Variants in ELOVL6 observed in about 807,000 individuals in gnomAD.
The protein encoded by ELOVL6 is very long chain fatty acid elongase 6.
A neutral mutation model predicts 31.7 loss-of-function variants in ELOVL6; 8 were observed. That is an observed-to-expected ratio of 0.25 (90% CI 0.15 to 0.45). ELOVL6 has a LOEUF of 0.45. ELOVL6 is among the 20% of genes least tolerant of loss of function. ELOVL6 has a pLI of 1.00. For synonymous variants in ELOVL6, 101 were observed against 117.7 expected (o/e 0.86, Z 0.92); for missense variants, 126 against 326.4 (o/e 0.39, Z 4.73).
intron 2 of ELOVL6, among the ~76,000 whole-genome samples, chr4:110,081,540 A>G (rs2126231825): frequency 6.6e-6 from 1 of 152,120 alleles, no homozygotes; most frequent in South Asian, 2.1e-4. Context: ...GGCTAGTCAT[A>G]TGTATAAAGC....
At position 110,078,769 on chromosome 4, in the gene ELOVL6, G is replaced by A. The variant is rs1229807476; in HGVS notation, c.222-19015C>T. Among the ~76,000 whole-genome samples, 4 of 152,186 alleles carry A rather than the reference G, an allele frequency of 2.6e-5. No individual in the cohort carries two copies. The East Asian group carries it at 5.8e-4, about 22-fold the overall frequency. ...AACCTTAAATGTAAATGGGCTAAAT[G>A]CTCCAAATTAAAGACACAGACTGGC... On this transcript the variant is annotated intron_variant, in intron 2 of 3. Coordinates refer to ENST00000302274, the MANE Select transcript of ELOVL6 (RefSeq NM_024090.3).
intron 1 of ELOVL6, among the ~76,000 whole-genome samples, chr4:110,163,047 A>G (rs992392023): frequency 6.6e-6 from 1 of 152,254 alleles, no homozygotes; most frequent in African/African-American, 2.4e-5. Context: ...AGATAAAAAT[A>G]GTACAGAATC....
At chr4:110,192,616 T>C (rs1316916175) in intron 1 of ELOVL6, among the ~76,000 whole-genome samples, 1 of 152,240 alleles carries the variant, frequency 6.6e-6, no homozygotes, top group African/African-American at 2.4e-5. Context: ...TGCATTAAGC[T>C]GGCTTTCATC....
At chr4:110,059,527 T>C (rs1755082818) in intron 3 of ELOVL6, 76 bp downstream of exon 3, 1 of 1,467,810 alleles carries the variant, frequency 6.8e-7, no homozygotes, top group Admixed American at 2.2e-5. Context: ...CTTCAAAATG[T>C]TTCTTTGCTC....
intron 1 of ELOVL6, among the ~76,000 whole-genome samples, chr4:110,170,047 T>A (rs1421278698): frequency 6.6e-6 from 1 of 152,034 alleles, no homozygotes; most frequent in Non-Finnish European, 1.5e-5. Context: ...ACGCCTAACC[T>A]CAGGTGATCC....
intron 1 of ELOVL6, among the ~76,000 whole-genome samples, chr4:110,119,081 A>T (rs1470930197): frequency 6.6e-6 from 1 of 152,196 alleles, no homozygotes; most frequent in African/African-American, 2.4e-5. Context: ...AATTAAAATT[A>T]ATAAAAATTG....
intron 2 of ELOVL6, among the ~76,000 whole-genome samples, chr4:110,083,164 A>G (rs1433883008): frequency 2.6e-5 from 4 of 151,758 alleles, no homozygotes; most frequent in Non-Finnish European, 4.4e-5. Context: ...TTTTCACAAA[A>G]CCCATATTCT....
chr4:110,054,700 A>T (rs1176129034), intron 3 of ELOVL6, among the ~76,000 whole-genome samples: 1 of 152,152 alleles, frequency 6.6e-6, no homozygotes, highest in Non-Finnish European at 1.5e-5. Context: ...ACCATATTAG[A>T]ATGGGCTAGT....
At chr4:110,087,010 G>A (rs772858301) in intron 2 of ELOVL6, among the ~76,000 whole-genome samples, 21 of 152,002 alleles carry the variant, frequency 1.4e-4, no homozygotes, top group Non-Finnish European at 2.8e-4. Context: ...TGTCTAAATG[G>A]GTTGTTAGGT....
At chr4:110,062,399 T>C (rs1314519678) in intron 2 of ELOVL6, among the ~76,000 whole-genome samples, 2 of 152,150 alleles carry the variant, frequency 1.3e-5, no homozygotes, top group African/African-American at 4.8e-5. Flanking sequence ...AAAGGCGCAT[T>C]GTTGGGATGT....
chr4:110,134,854 G>C (rs1052151983), intron 1 of ELOVL6, among the ~76,000 whole-genome samples: 2 of 152,032 alleles, frequency 1.3e-5, no homozygotes, highest in African/African-American at 4.8e-5. Flanking sequence ...AGCTACTCAG[G>C]AGGCTGGGGT....
chr4:110,113,998 C>T (rs1256734728), intron 1 of ELOVL6, among the ~76,000 whole-genome samples: 2 of 152,164 alleles, frequency 1.3e-5, no homozygotes, highest in East Asian at 1.9e-4. Flanking sequence ...CACCTGTAGT[C>T]CCAGCTACTC....
At chr4:110,183,349 T>C (rs919251927) in intron 1 of ELOVL6, among the ~76,000 whole-genome samples, 1 of 152,176 alleles carries the variant, frequency 6.6e-6, no homozygotes, top group Admixed American at 6.6e-5. Context: ...CCCTCCCTAA[T>C]TCAAGTTGTC....
chr4:110,169,803 CTTTCT>C (rs1468850215), intron 1 of ELOVL6, among the ~76,000 whole-genome samples: 2 of 146,450 alleles, frequency 1.4e-5, no homozygotes, highest in African/African-American at 5.0e-5. Flanking sequence ...TCTTTTCTTT[CTTTCT>C]TTTTTTTTTT....
chr4:110,153,878 AGCT>A (rs1758346054), intron 1 of ELOVL6, among the ~76,000 whole-genome samples: 2 of 152,222 alleles, frequency 1.3e-5, no homozygotes, highest in African/African-American at 2.4e-5. Flanking sequence ...CAATGTAAGC[AGCT>A]TTACAAGGCT....
intron 1 of ELOVL6, among the ~76,000 whole-genome samples, chr4:110,142,055 C>A (rs1006148379): frequency 5.5e-5 from 8 of 145,912 alleles, no homozygotes; most frequent in Non-Finnish European, 1.0e-4. Context: ...TGATATCCCA[C>A]CCCTTACTAA....
chr4:110,142,267 G>A (rs941501450), intron 1 of ELOVL6, among the ~76,000 whole-genome samples: 7 of 151,324 alleles, frequency 4.6e-5, no homozygotes, highest in East Asian at 1.9e-4. Flanking sequence ...GGATGGTCTC[G>A]ATCTCCTGAC....
intron 1 of ELOVL6, among the ~76,000 whole-genome samples, chr4:110,180,157 G>C (rs1423658826): frequency 6.6e-6 from 1 of 152,146 alleles, no homozygotes; most frequent in African/African-American, 2.4e-5. Context: ...TCTATTGTGA[G>C]TGTGCTTATT....
intron 1 of ELOVL6, among the ~76,000 whole-genome samples, chr4:110,187,841 A>C (rs1413148948): frequency 6.6e-6 from 1 of 152,210 alleles, no homozygotes. Flanking sequence ...AGGCTGAAGG[A>C]AATGGAGCAA....
Sources: allele counts gnomAD v4.1 joint callset (sites outside exome capture counted in the v4.1 genomes callset), GRCh38; gene constraint gnomAD v4.1.1; transcripts MANE v1.5; gene names NCBI Gene and HGNC (gene_info 2026-07-23, HGNC 2026-07-21).